The following MCTP1 variants were observed in gnomAD, a reference collection of about 807,000 sequenced individuals.
MCTP1 encodes the protein multiple C2 and transmembrane domain-containing protein 1.
MCTP1 carries 69 observed loss-of-function variants against 120.6 expected under a neutral mutation model. That is an observed-to-expected ratio of 0.57 (90% CI 0.47 to 0.70). The LOEUF (loss-of-function observed/expected upper bound fraction) is 0.70, where lower values mean the gene tolerates loss of function less well. MCTP1 is among the 30% of genes least tolerant of loss of function. The probability of loss-of-function intolerance (pLI) is 0.00; values close to 1 mark genes in which losing one functional copy is unlikely to be tolerated. For synonymous variants in MCTP1, 529 were observed against 493.1 expected (o/e 1.07, Z -0.96); for missense variants, 1,203 against 1,248.8 (o/e 0.96, Z 0.55).
chr5:94,959,566 C>G (rs1010222948), intron 2 of MCTP1, among the ~76,000 whole-genome samples: 1 of 152,324 alleles, frequency 6.6e-6, no homozygotes. Context: ...GCAACTTCAG[C>G]AAAGTCTCAG....
chr5:94,863,489 T>C (rs540687867), intron 17 of MCTP1, among the ~76,000 whole-genome samples: 33 of 151,976 alleles, frequency 2.2e-4, no homozygotes, highest in Non-Finnish European at 4.3e-4. Flanking sequence ...TGACCTTCAA[T>C]ATGTTCAATG....
At chr5:95,082,598 C>T (rs1755064426) in intron 1 of MCTP1, among the ~76,000 whole-genome samples, 1 of 152,064 alleles carries the variant, frequency 6.6e-6, no homozygotes, top group African/African-American at 2.4e-5. Flanking sequence ...TTAGTAGTCA[C>T]ATTAAAAAAG....
intron 1 of MCTP1, among the ~76,000 whole-genome samples, chr5:95,165,918 T>A (rs554373443): frequency 3.9e-5 from 6 of 152,302 alleles, no homozygotes; most frequent in African/African-American, 1.4e-4. Context: ...CTCTCAGGGC[T>A]TGTCATAACC....
Position 95,185,041 on chromosome 5 carries a change from C to T in MCTP1, c.720+98815G>A, listed in dbSNP as rs1749049652. 3.3e-5 allele frequency among the ~76,000 whole-genome samples: 5 copies of T among 152,186 alleles called. No individual in the cohort carries two copies. The South Asian group carries it at 1.0e-3, about 31-fold the overall frequency. ...ACTCCGGTCTCTTGCACAGCCGGCT[C>T]TGCATGAATTACTCTTTTTCCATTA... is the stretch of plus-strand genomic sequence containing the variant. On this transcript the variant is annotated intron_variant, in intron 1 of 22. Transcript: ENST00000515393.
At chr5:94,873,923 A>G (rs1798288299) in intron 12 of MCTP1, among the ~76,000 whole-genome samples, 1 of 151,678 alleles carries the variant, frequency 6.6e-6, no homozygotes, top group African/African-American at 2.4e-5. Flanking sequence ...AGAAATTATC[A>G]TCTGTTTATA....
At chr5:95,233,072 T>C (rs539443593) in intron 1 of MCTP1, among the ~76,000 whole-genome samples, 27 of 152,190 alleles carry the variant, frequency 1.8e-4, no homozygotes, top group Non-Finnish European at 4.0e-4. Context: ...AGAAATCCAG[T>C]AAAAGTATAG....
intron 1 of MCTP1, among the ~76,000 whole-genome samples, chr5:95,237,380 G>A (rs918712427): frequency 4.6e-5 from 7 of 152,108 alleles, no homozygotes; most frequent in Non-Finnish European, 1.0e-4. Context: ...TAAAAATAAC[G>A]GAGTAAGTAA....
chr5:94,794,367 C>T (rs894300150), intron 18 of MCTP1, among the ~76,000 whole-genome samples: 1 of 152,220 alleles, frequency 6.6e-6, no homozygotes, highest in Admixed American at 6.5e-5. Context: ...CCCTCCTGGT[C>T]ACGAATGCTT....
At chr5:95,015,074 A>G (rs1056625170) in intron 2 of MCTP1, among the ~76,000 whole-genome samples, 1 of 152,120 alleles carries the variant, frequency 6.6e-6, no homozygotes, top group Non-Finnish European at 1.5e-5. Context: ...ACATTTTTAG[A>G]CATGCTTTTT....
At chr5:95,223,224 A>G (rs1405831693) in intron 1 of MCTP1, among the ~76,000 whole-genome samples, 1 of 152,106 alleles carries the variant, frequency 6.6e-6, no homozygotes, top group Non-Finnish European at 1.5e-5. Flanking sequence ...GGCCATGGTG[A>G]GTGGATCACT....
intron 18 of MCTP1, among the ~76,000 whole-genome samples, chr5:94,782,573 C>T (rs1327863209): frequency 6.6e-6 from 1 of 152,086 alleles, no homozygotes; most frequent in Admixed American, 6.6e-5. Flanking sequence ...TTAATGACTG[C>T]ACAAAATTGC....
At position 95,284,699 on chromosome 5, in the gene MCTP1, G is replaced by GCGGCGC; in HGVS notation, c.-125_-124insGCGCCG. The GCGGCGC allele has an allele frequency of 2.4e-6, 2 of 826,252 alleles. No individual in the cohort carries two copies. The highest frequency in any genetic ancestry group is 3.5e-6 in the Non-Finnish European group (2 of 576,382). 51.2% of individuals were successfully genotyped at this position (826,252 alleles called of 1,614,324 possible). A position where few individuals can be genotyped will look rare whatever the true frequency, so the allele number is the denominator to read the frequency against. On this transcript the variant is annotated 5_prime_UTR_variant, in exon 1 of 23. Transcript: ENST00000515393. This position sits in a 1 kb window ranked among gnomAD's most constrained non-coding sequence, Gnocchi z 5.2. ...GGCGGTGGCGGCGGCGGCGGCGGCG[G>GCGGCGC]GCGCAGCAGCAGAAACCGGGAGTGC...
chr5:95,273,780 AG>A (rs1407540106), intron 1 of MCTP1, among the ~76,000 whole-genome samples: 1 of 152,132 alleles, frequency 6.6e-6, no homozygotes, highest in East Asian at 1.9e-4. Context: ...ACCCCTACCC[AG>A]GGGGAAAAAA....
In MCTP1 at chr5:95,283,995, C is replaced by T; in HGVS notation, c.581G>A (p.Cys194Tyr). 1 of 1,468,120 alleles carries T rather than the reference C, an allele frequency of 6.8e-7. No individual in the cohort carries two copies. Among genetic ancestry groups the T allele is most frequent in the Non-Finnish European group, 9.0e-7 (1 of 1,113,724 alleles). The allele number at this position is 1,468,120 out of a possible 1,614,324, so 90.9% of individuals were successfully genotyped here. A position where few individuals can be genotyped will look rare whatever the true frequency, so the allele number is the denominator to read the frequency against. Reference protein sequence around the residue: ...ARRQGPGAHLCHQKSSSLPGT... With the variant: ...ARRQGPGAHLYHQKSSSLPGT... ...CGGCAGAGAGGAGCTCTTCTGGTGG[C>T]ACAAGTGCGCCCCGGGGCCCTGACG... The change falls in exon 1 of 23, where the codon TGC (cysteine) becomes TAC (tyrosine). Residue 194 changes from cysteine (C) to tyrosine (Y), a missense_variant. Cys to Tyr is a radical substitution (Grantham distance 194). Around this residue, in one of 2 missense-constraint regions of MCTP1, gnomAD observed 463 missense variants for 377.8 expected, o/e 1.23. Coordinates refer to ENST00000515393, the MANE Select transcript of MCTP1 (RefSeq NM_024717.7).
intron 9 of MCTP1, among the ~76,000 whole-genome samples, chr5:94,912,330 G>C (rs1032381447): frequency 2.7e-5 from 4 of 148,350 alleles, no homozygotes; most frequent in African/African-American, 9.9e-5. Context: ...GAGGCTGAGA[G>C]AGGAGAATTG....
At chr5:94,885,330 G>C (rs769329156) in intron 12 of MCTP1, among the ~76,000 whole-genome samples, 1 of 151,300 alleles carries the variant, frequency 6.6e-6, no homozygotes, top group Non-Finnish European at 1.5e-5. Flanking sequence ...GAGAAAGAGA[G>C]AGAGAACCCA....
Position 94,707,251 on chromosome 5 carries a change from ATAT to A in MCTP1, c.*242_*244del, listed in dbSNP as rs1289796681. 7.9e-5 allele frequency: 32 copies of A among 402,944 alleles called. No individual in the cohort carries two copies. The highest frequency in any genetic ancestry group is 1.6e-4 in the South Asian group (4 of 24,268). The allele number at this position is 402,944 out of a possible 1,614,324, so 25.0% of individuals were successfully genotyped here. On this transcript the variant is annotated 3_prime_UTR_variant, in exon 23 of 23. Coordinates refer to ENST00000515393, the MANE Select transcript of MCTP1 (RefSeq NM_024717.7). Reference sequence around the variant, plus strand: ...CTTATATTTGTTCTTTCAGTGTGTTATATTATTATCCACAGCTAACAAGGTTTT... The same window carrying A: ...CTTATATTTGTTCTTTCAGTGTGTTATATTATCCACAGCTAACAAGGTTTT...
intron 2 of MCTP1, among the ~76,000 whole-genome samples, chr5:94,961,615 G>A (rs1485448861): frequency 6.6e-6 from 1 of 152,096 alleles, no homozygotes; most frequent in Non-Finnish European, 1.5e-5. Flanking sequence ...TGAAGCTGAT[G>A]AATGAGACCA....
chr5:95,225,492 A>C (rs1481057279), intron 1 of MCTP1, among the ~76,000 whole-genome samples: 3 of 152,228 alleles, frequency 2.0e-5, no homozygotes, highest in African/African-American at 7.2e-5. Flanking sequence ...ACAAATATGC[A>C]TACCCTTCCC....
Sources: gnomAD v4.1 joint callset for allele counts (sites outside exome capture counted in the v4.1 genomes callset) on GRCh38, gnomAD v4.1.1 for gene constraint, gnomAD v4.1.1 regional missense constraint, Gnocchi (gnomAD v3.1) non-coding constraint, MANE v1.5 for transcripts, NCBI Gene and HGNC (gene_info 2026-07-23, HGNC 2026-07-21) for gene names.